The following PAK6 variants were observed in gnomAD, a reference collection of about 807,000 sequenced individuals.
PAK6 encodes p21 (RAC1) activated kinase 6.
Under a neutral mutation model 60.8 loss-of-function variants are expected in PAK6, and 33 were observed. The observed-to-expected ratio is 0.54, with a 90% CI of 0.41 to 0.73. The LOEUF is 0.73. Among genes scored for constraint, PAK6 ranks in the 30% least tolerant of loss-of-function variants. The pLI, the probability that PAK6 is intolerant of heterozygous loss-of-function variation, is 0.00. For synonymous variants in PAK6, 404 were observed against 378.5 expected, an observed-to-expected ratio of 1.07 and a Z score of -0.78; for missense variants, 845 against 904.1, an observed-to-expected ratio of 0.93 and a Z score of 0.84.
At position 40,264,997 on chromosome 15, in the gene PAK6, G is replaced by A. The variant is rs200607239; in HGVS notation, c.204+8G>A. 1.2e-5 allele frequency: 20 copies of A among 1,611,236 alleles called. No homozygotes were observed. On this transcript the variant is annotated splice_region_variant and intron_variant, in intron 4 of 10. Transcript: ENST00000560346. ...CAGCTCCAGCCCATGAAGGTAAGAGGGGCCGGCAGGGATGAGGTTCAGCCT... is the reference window on the plus strand; with the variant it reads ...CAGCTCCAGCCCATGAAGGTAAGAGAGGCCGGCAGGGATGAGGTTCAGCCT...
At chr15:40,263,721 T>G (rs77221134) in intron 3 of PAK6, 80 of 336,288 alleles carry the variant, frequency 2.4e-4, no homozygotes, top group African/African-American at 1.7e-3. Context: ...TTCAAGCGAT[T>G]CTCCTCCCTC....
At chr15:40,275,042 C>T (rs2039410141) in intron 10 of PAK6, among the ~76,000 whole-genome samples, 1 of 152,170 alleles carries the variant, frequency 6.6e-6, no homozygotes, top group South Asian at 2.1e-4. Context: ...GCCCGCACCG[C>T]TAACCCCAAA....
chr15:40,276,749 CGTGTGTGTGT>C (rs58716292), exon 11 of PAK6: 32,193 of 134,460 alleles, frequency 0.24, 3,841 homozygotes, highest in East Asian at 0.36. Context: ...GAGAGAACAT[CGTGTGTGTGT>C]GTGTGTGTGT....
intron 3 of PAK6, among the ~76,000 whole-genome samples, chr15:40,254,231 G>C (rs2038774979): frequency 6.6e-6 from 1 of 152,176 alleles, no homozygotes; most frequent in Non-Finnish European, 1.5e-5. Flanking sequence ...CTCATTAGGC[G>C]GTTGTGGGGA....
At chr15:40,252,242 A>G in intron 2 of PAK6, 9 of 1,193,018 alleles carry the variant, frequency 7.5e-6, no homozygotes, top group Non-Finnish European at 9.5e-6. Flanking sequence ...TGGAGCGTGC[A>G]TCTGCGATGC....
In PAK6 at chr15:40,254,874, A is replaced by G. The variant is rs549218921; in HGVS notation, c.-6+1585A>G. Among the ~76,000 whole-genome samples, 28 of 152,330 alleles carry G rather than the reference A, an allele frequency of 1.8e-4. 1 individual carries two copies. In the East Asian group the frequency reaches 5.0e-3, roughly 27 times the overall value. On this transcript the variant is annotated intron_variant, in intron 3 of 10. Transcript: ENST00000560346. ...TCTATCCATGTGGTGGGCACTTTAT[A>G]AGCATACCTTTCTTTTCTTGCCTCC...
chr15:40,243,389 C>G (rs985799052), intron 2 of PAK6, among the ~76,000 whole-genome samples: 4 of 152,192 alleles, frequency 2.6e-5, no homozygotes, highest in Non-Finnish European at 5.9e-5. Context: ...CTTCATGTCT[C>G]TGGGTCTCAA....
chr15:40,273,967 G>A, intron 9 of PAK6, 175 bp from the exon 10 acceptor site: 2 of 751,928 alleles, frequency 2.7e-6, no homozygotes, highest in Non-Finnish European at 4.4e-6. Flanking sequence ...TATAGGCAGT[G>A]GTCACTCATG....
At chr15:40,271,591 C>T (rs1457337906) in intron 5 of PAK6, among the ~76,000 whole-genome samples, 3 of 152,200 alleles carry the variant, frequency 2.0e-5, no homozygotes, top group African/African-American at 7.2e-5. Flanking sequence ...CACCTGAGAA[C>T]CCCCCAGATG....
chr15:40,260,458 C>T (rs2038953605), intron 3 of PAK6: 1 of 152,178 alleles, frequency 6.6e-6, no homozygotes, highest in South Asian at 2.1e-4. Flanking sequence ...TTCCATTGGT[C>T]TATTTGTCAA....
At chr15:40,241,577 A>G (rs1413751899) in intron 2 of PAK6, among the ~76,000 whole-genome samples, 1 of 152,164 alleles carries the variant, frequency 6.6e-6, no homozygotes, top group Non-Finnish European at 1.5e-5. Flanking sequence ...CTAGTGACAG[A>G]GCGCCTGGTC....
chr15:40,275,280 G>GTTTTCTTTTTTTTTTTTTTTTTTTT lies in PAK6; in HGVS notation c.1879-643_1879-642insCTTTTTTTTTTTTTTTTTTTTTTTT, dbSNP rs1448905930. On this transcript the variant is annotated intron_variant, in intron 10 of 10. Transcript: ENST00000560346. ...GACTTGTTTGTTTCTGTTGTTGTTGGTTTTTTTTTTTTTTTTTTTTTTGGA... is the reference window on the plus strand; with the variant it reads ...GACTTGTTTGTTTCTGTTGTTGTTGGTTTTCTTTTTTTTTTTTTTTTTTTTTTTTTTTTTTTTTTTTTTTTTTGGA... 1.1e-4 allele frequency among the ~76,000 whole-genome samples: 6 copies of GTTTTCTTTTTTTTTTTTTTTTTTTT among 56,486 alleles called. 1 individual carries two copies. Among genetic ancestry groups the GTTTTCTTTTTTTTTTTTTTTTTTTT allele is most frequent in the Admixed American group, 8.5e-4 (3 of 3,532 alleles). 37.1% of individuals were successfully genotyped at this position (56,486 alleles called of 152,430 possible).
chr15:40,256,630 G>A (rs1055015146), intron 3 of PAK6, among the ~76,000 whole-genome samples: 1 of 152,210 alleles, frequency 6.6e-6, no homozygotes, highest in African/African-American at 2.4e-5. Flanking sequence ...GAGGGTGGTG[G>A]TAGGAGCAGA....
At chr15:40,264,319 G>A (rs1189650449) in intron 3 of PAK6, 27 of 381,516 alleles carry the variant, frequency 7.1e-5, no homozygotes, top group Non-Finnish European at 1.3e-4. Context: ...AAATGATATT[G>A]AGTCAAATTT....
At chr15:40,245,728 G>C (rs1223324821) in intron 2 of PAK6, 1 of 152,350 alleles carries the variant, frequency 6.6e-6, no homozygotes, top group Non-Finnish European at 1.5e-5. Context: ...GAAGGAAAGT[G>C]GGTCCTGAGG....
At chr15:40,249,792 G>T (rs1466746579) in intron 2 of PAK6, among the ~76,000 whole-genome samples, 2 of 152,234 alleles carry the variant, frequency 1.3e-5, no homozygotes, top group African/African-American at 4.8e-5. Context: ...CAGGCTGAGG[G>T]ATAACCGGGA....
At chr15:40,243,244 C>T (rs2038405512) in intron 2 of PAK6, among the ~76,000 whole-genome samples, 1 of 152,162 alleles carries the variant, frequency 6.6e-6, no homozygotes, top group South Asian at 2.1e-4. Flanking sequence ...CTTCTATCTG[C>T]AGTTGCAGGA....
chr15:40,242,776 G>A (rs892641379), intron 2 of PAK6, among the ~76,000 whole-genome samples: 1 of 152,190 alleles, frequency 6.6e-6, no homozygotes, highest in African/African-American at 2.4e-5. Context: ...AGAAGAGTGA[G>A]ATGTGAGATA....
At chr15:40,240,659 G>A (rs1392180964) in exon 2 of PAK6, 6 of 431,366 alleles carry the variant, frequency 1.4e-5, no homozygotes, top group African/African-American at 4.6e-5. Context: ...GCAGGACCCC[G>A]CTGCCCAGAA....
Sources: allele counts gnomAD v4.1 joint callset (sites outside exome capture counted in the v4.1 genomes callset), GRCh38; gene constraint gnomAD v4.1.1; transcripts MANE v1.5; gene names NCBI Gene and HGNC (gene_info 2026-07-23, HGNC 2026-07-21).